The following OTOG variants were observed in gnomAD, a reference collection of about 807,000 sequenced individuals.
OTOG encodes the protein otogelin.
A neutral mutation model predicts 313.8 loss-of-function variants in OTOG; 296 were observed. That is an observed-to-expected ratio of 0.94 (90% CI 0.86 to 1.04). The LOEUF is 1.04. Among genes scored for constraint, OTOG ranks in the 50% least tolerant of loss-of-function variants. OTOG has a pLI of 0.00. For synonymous variants in OTOG, 1,533 were observed against 1,554.9 expected, an observed-to-expected ratio of 0.99 and a Z score of 0.33; for missense variants, 3,948 against 3,840.1, an observed-to-expected ratio of 1.03 and a Z score of -0.74.
chr11:17,568,892 T>A (rs1172923056), intron 15 of OTOG, among the ~76,000 whole-genome samples: 1 of 152,224 alleles, frequency 6.6e-6, no homozygotes, highest in African/African-American at 2.4e-5. Context: ...CTGCTCTGTG[T>A]CTTTAGATAA....
intron 3 of OTOG, among the ~76,000 whole-genome samples, chr11:17,549,681 A>G (rs2133992685): frequency 6.6e-6 from 1 of 152,268 alleles, no homozygotes; most frequent in East Asian, 1.9e-4. Context: ...TTCTCCAAAC[A>G]CTTCATTTCC....
intron 15 of OTOG, among the ~76,000 whole-genome samples, chr11:17,567,000 A>G (rs963210421): frequency 3.9e-5 from 6 of 152,184 alleles, no homozygotes; most frequent in African/African-American, 1.4e-4. Flanking sequence ...CCTCTAAAAT[A>G]TTTTATGCAC....
chr11:17,625,095 T>A (rs1445782898), intron 39 of OTOG, among the ~76,000 whole-genome samples: 1 of 152,242 alleles, frequency 6.6e-6, no homozygotes, highest in Non-Finnish European at 1.5e-5. Flanking sequence ...GATCATGTTG[T>A]CTGCAAACAG....
At chr11:17,606,599 C>A (rs1268026778) in intron 33 of OTOG, among the ~76,000 whole-genome samples, 1 of 152,248 alleles carries the variant, frequency 6.6e-6, no homozygotes, top group Non-Finnish European at 1.5e-5. Flanking sequence ...TGGGGCAACT[C>A]CCCGACCTTC....
chr11:17,610,895 A>G lies in OTOG; in HGVS notation c.5595A>G (p.Ile1865Met). 6.4e-7 allele frequency: 1 copy of G among 1,550,566 alleles called. No individual in the cohort carries two copies. Reference protein sequence around the residue: ...AMTQAHPPTHIAPPAAGTAPG... With the variant: ...AMTQAHPPTHMAPPAAGTAPG... ...CCCAGGCGCACCCACCCACTCACAT[A>G]GCACCCCCAGCAGCAGGCACAGCTC... The change falls in exon 36 of 56, where the codon ATA (isoleucine) becomes ATG (methionine). Residue 1865 changes from isoleucine to methionine, a missense_variant. Physicochemically the swap from Ile to Met is conservative, Grantham distance 10. Coordinates refer to ENST00000399397, the MANE Select transcript of OTOG (RefSeq NM_001292063.2).
chr11:17,616,260 T>C (rs1030738742), intron 39 of OTOG, among the ~76,000 whole-genome samples: 13 of 152,164 alleles, frequency 8.5e-5, no homozygotes, highest in Non-Finnish European at 1.8e-4. Context: ...TCTCACTATG[T>C]TGCCCAGGCT....
intron 24 of OTOG, among the ~76,000 whole-genome samples, chr11:17,587,271 G>A (rs771197550): frequency 1.3e-5 from 2 of 152,194 alleles, no homozygotes; most frequent in Non-Finnish European, 1.5e-5. Flanking sequence ...AAACAGACTC[G>A]GGGTTAGTTC....
chr11:17,644,916 A>T (rs1324294885), intron 54 of OTOG, among the ~76,000 whole-genome samples: 5 of 152,020 alleles, frequency 3.3e-5, no homozygotes, highest in Non-Finnish European at 2.9e-5. Flanking sequence ...GGGAGAGGAG[A>T]TATTGCAGCC....
intron 39 of OTOG, among the ~76,000 whole-genome samples, chr11:17,616,532 T>A (rs1441338590): frequency 6.6e-6 from 1 of 152,194 alleles, no homozygotes; most frequent in East Asian, 1.9e-4. Flanking sequence ...TCTATTTTTT[T>A]ATGGCTTCTT....
At chr11:17,561,393 T>C (rs954551420) in intron 14 of OTOG, among the ~76,000 whole-genome samples, 11 of 152,106 alleles carry the variant, frequency 7.2e-5, no homozygotes, top group African/African-American at 2.7e-4. Context: ...GAGCTAGGGG[T>C]ACTTGGCCTG....
chr11:17,607,624 A>G (rs1031886860), intron 33 of OTOG, among the ~76,000 whole-genome samples: 14 of 152,238 alleles, frequency 9.2e-5, no homozygotes, highest in Admixed American at 3.9e-4. Flanking sequence ...TTTAAGAGTT[A>G]GCCCAGCCGC....
Position 17,555,793 on chromosome 11 carries a change from G to T in OTOG, c.555G>T (p.Pro185=), listed in dbSNP as rs544318852. ...TCCCTACTCAGGTACACAATGACCC[G>T]CAGTGTGGCTCTTCACCCTACACCT... The part of the protein sequence containing the change: ...QSFSIQVHND[P]QCGSSPYTCS... The change falls in exon 7 of 56, where the codon CCG becomes CCT. Residue 185 remains proline (P), a synonymous_variant. Transcript: ENST00000399397. The T allele has an allele frequency of 1.9e-6, 3 of 1,550,266 alleles. No homozygotes were observed. Among genetic ancestry groups the T allele is most frequent in the Non-Finnish European group, 2.6e-6 (3 of 1,146,966 alleles).
At chr11:17,569,355 C>T in intron 16 of OTOG, 67 bp downstream of exon 16, 3 of 1,537,730 alleles carry the variant, frequency 2.0e-6, no homozygotes, top group Non-Finnish European at 2.6e-6. Context: ...TCCCAGGATC[C>T]TCTGGCTAAA....
Position 17,611,223 on chromosome 11 carries a change from C to A in OTOG, c.5923C>A (p.Pro1975Thr). The stretch of plus-strand genomic sequence containing the variant: ...GAGCCGTGTCTCAGCCAGGACGGCC[C>A]CCCAAGACAGCATGCTGGTTCTGTT... ...ALSRVSARTA[P>T]QDSMLVLLPQ... Residue 1975 changes from proline to threonine, a missense_variant, in exon 36 of 56, where the codon CCC (proline) becomes ACC (threonine). Pro to Thr is a conservative substitution (Grantham distance 38, BLOSUM62 -1). Coordinates refer to ENST00000399397, the MANE Select transcript of OTOG (RefSeq NM_001292063.2). The A allele has an allele frequency of 6.4e-7, 1 of 1,550,562 alleles. No homozygotes were observed. The highest frequency in any genetic ancestry group is 2.0e-5 in the Admixed American group (1 of 51,016).
intron 26 of OTOG, 95 bp downstream of exon 26, chr11:17,593,422 A>G (rs1853000239): frequency 6.8e-7 from 1 of 1,471,466 alleles, no homozygotes; most frequent in Admixed American, 2.1e-5. Flanking sequence ...TTACCATAGC[A>G]GTTTCTCTTG....
At position 17,635,691 on chromosome 11, in the gene OTOG, G is replaced by C; in HGVS notation, c.7775G>C (p.Cys2592Ser). The change falls in exon 47 of 56, where the codon TGC becomes TCC. Residue 2592 changes from cysteine to serine, a missense_variant. Coordinates refer to ENST00000399397, the MANE Select transcript of OTOG (RefSeq NM_001292063.2). The part of the protein sequence containing the change: ...LTVHRNTTEL[C>S]CPLYQCVCEN... ...GTGCACAGGAATACCACGGAACTCT[G>C]CTGCCCTCTGTACCAGTGTGGTGAG... 6.4e-7 allele frequency: 1 copy of C among 1,550,540 alleles called. No individual in the cohort carries two copies.
In OTOG at chr11:17,605,917, C is replaced by A. The variant is rs745773947; in HGVS notation, c.3938C>A (p.Ala1313Asp). The A allele has an allele frequency of 9.0e-6, 14 of 1,550,508 alleles. No individual in the cohort carries two copies. Among genetic ancestry groups the A allele is most frequent in the Non-Finnish European group, 1.1e-5 (13 of 1,146,928 alleles). The change falls in exon 33 of 56, where the codon GCC becomes GAC. Residue 1313 changes from alanine (A) to aspartate (D), a missense_variant. Transcript: ENST00000399397. ...CCCAACTTCTTCCTTCACGTCACAG[C>A]CAACGGGTCTCTGGAGCTGGCTAAG... ...DRPNFFLHVTANGSLELAKWQ... is the reference protein window; with the variant it reads ...DRPNFFLHVTDNGSLELAKWQ...
chr11:17,553,266 A>G (rs1851983636), intron 5 of OTOG, 55 bp downstream of exon 5: 3 of 1,534,922 alleles, frequency 2.0e-6, no homozygotes, highest in African/African-American at 2.8e-5. Context: ...AGGGAAAGCT[A>G]GGGAGAAAGG....
At chr11:17,570,614 A>AT in intron 17 of OTOG, 2 of 451,708 alleles carry the variant, frequency 4.4e-6, no homozygotes, top group Non-Finnish European at 3.9e-6. Flanking sequence ...TAAAACACTG[A>AT]TTCCTGAGTC....
Sources: gnomAD v4.1 joint callset for allele counts (sites outside exome capture counted in the v4.1 genomes callset) on GRCh38, gnomAD v4.1.1 for gene constraint, MANE v1.5 for transcripts, NCBI Gene and HGNC (gene_info 2026-07-23, HGNC 2026-07-21) for gene names.